The following XPNPEP3 variants were observed in gnomAD, a reference collection of about 807,000 sequenced individuals.
The protein encoded by XPNPEP3 is xaa-Pro aminopeptidase 3.
A neutral mutation model predicts 60.0 loss-of-function variants in XPNPEP3; 41 were observed. That is an observed-to-expected ratio of 0.68 (90% CI 0.53 to 0.89). XPNPEP3 has a LOEUF of 0.89. Among genes scored for constraint, XPNPEP3 ranks in the 40% least tolerant of loss-of-function variants. The pLI is 0.00. For missense variants in XPNPEP3, 598 were observed against 638.9 expected (o/e 0.94, Z 0.69); for synonymous variants, 212 against 223.2 (o/e 0.95, Z 0.45).
In XPNPEP3 at chr22:40,914,257, C is replaced by T. The variant is rs1283941457; in HGVS notation, c.988C>T (p.Leu330=). ...QLIKDGEMVL[L]DGGCESSCYV... ...GTTCCAGGATGGGGAAATGGTGCTT[C>T]TGGATGGAGGTTGTGAGTCTTCCTG... Residue 330 remains leucine, a synonymous_variant, in exon 7 of 10, where the codon CTG becomes TTG. Coordinates refer to ENST00000357137, the MANE Select transcript of XPNPEP3 (RefSeq NM_022098.4). 6.2e-7 allele frequency: 1 copy of T among 1,613,816 alleles called. No individual in the cohort carries two copies. Among genetic ancestry groups the T allele is most frequent in the Admixed American group, 1.7e-5 (1 of 59,966 alleles).
Sources: allele counts gnomAD v4.1 joint callset, GRCh38; gene constraint gnomAD v4.1.1; transcripts MANE v1.5; gene names NCBI Gene and HGNC (gene_info 2026-07-23, HGNC 2026-07-21).